Variants in KCNJ3 observed in about 807,000 individuals in gnomAD.
The protein encoded by KCNJ3 is G protein-activated inward rectifier potassium channel 1.
Under a neutral mutation model 39.2 loss-of-function variants are expected in KCNJ3, and 4 were observed. That is an observed-to-expected ratio of 0.10 (90% CI 0.05 to 0.23). The LOEUF is 0.23. Ranked by LOEUF, KCNJ3 falls within the 10% of genes least tolerant of loss-of-function variation. The pLI is 1.00. For missense variants in KCNJ3, 276 were observed against 634.9 expected (o/e 0.43, Z 6.08); for synonymous variants, 230 against 237.4 (o/e 0.97, Z 0.29).
chr2:154,744,741 G>T (rs1685708544), intron 2 of KCNJ3, among the ~76,000 whole-genome samples: 1 of 151,616 alleles, frequency 6.6e-6, no homozygotes, highest in South Asian at 2.1e-4. Context: ...CAATTTTATG[G>T]ATCATTTCCA....
At chr2:154,731,731 C>A (rs550110755) in intron 2 of KCNJ3, among the ~76,000 whole-genome samples, 56 of 151,230 alleles carry the variant, frequency 3.7e-4, no homozygotes, top group African/African-American at 1.2e-3. Flanking sequence ...AAGAGAGACA[C>A]AGTTTTTGTA....
At chr2:154,715,979 G>A (rs2105156291) in intron 2 of KCNJ3, among the ~76,000 whole-genome samples, 1 of 152,228 alleles carries the variant, frequency 6.6e-6, no homozygotes, top group Non-Finnish European at 1.5e-5. Context: ...TAGAATTTCT[G>A]GGTAAAGGCA....
chr2:154,803,837 G>A (rs940492400), intron 2 of KCNJ3, among the ~76,000 whole-genome samples: 2 of 151,882 alleles, frequency 1.3e-5, no homozygotes, highest in African/African-American at 2.4e-5. Flanking sequence ...AATGAGTAAC[G>A]CTGATTAGGC....
intron 2 of KCNJ3, among the ~76,000 whole-genome samples, chr2:154,797,987 C>T (rs1467617448): frequency 1.3e-5 from 2 of 151,964 alleles, no homozygotes; most frequent in Non-Finnish European, 2.9e-5. Flanking sequence ...TTGAACAATT[C>T]TTCATTTCCT....
At position 154,855,492 on chromosome 2, in the gene KCNJ3, G is replaced by T; in HGVS notation, c.*179G>T. 1 of 550,204 alleles carries T rather than the reference G, an allele frequency of 1.8e-6. No homozygotes were observed. Among genetic ancestry groups the T allele is most frequent in the Middle Eastern group, 4.8e-4 (1 of 2,082 alleles). The allele number at this position is 550,204 out of a possible 1,614,324, so 34.1% of individuals were successfully genotyped here. A position where few individuals can be genotyped will look rare whatever the true frequency, so the allele number is the denominator to read the frequency against. ...GTGCAGAAAGCAACAGTTACGGAGG[G>T]AGGACATCATAAGGAAGTTATTAAC... On this transcript the variant is annotated 3_prime_UTR_variant, in exon 3 of 3. Transcript: ENST00000295101.
At chr2:154,751,002 A>G (rs1685834909) in intron 2 of KCNJ3, among the ~76,000 whole-genome samples, 1 of 151,908 alleles carries the variant, frequency 6.6e-6, no homozygotes, top group Admixed American at 6.6e-5. Flanking sequence ...GCTTTATAAT[A>G]ATAACTTAAG....
chr2:154,825,670 G>C (rs1337789107), intron 2 of KCNJ3, among the ~76,000 whole-genome samples: 4 of 151,774 alleles, frequency 2.6e-5, no homozygotes, highest in Non-Finnish European at 4.4e-5. Context: ...TGACCTCCCA[G>C]ACTTAAAGTG....
intron 2 of KCNJ3, among the ~76,000 whole-genome samples, chr2:154,736,238 T>C (rs953100923): frequency 1.3e-5 from 2 of 151,896 alleles, no homozygotes; most frequent in Admixed American, 6.6e-5. Flanking sequence ...GCAGCTCTTA[T>C]TGTGGGTCAT....
At chr2:154,817,989 A>G (rs1021716288) in intron 2 of KCNJ3, among the ~76,000 whole-genome samples, 8 of 152,176 alleles carry the variant, frequency 5.3e-5, no homozygotes, top group Non-Finnish European at 1.2e-4. Context: ...AGAAACTGAT[A>G]TAATCATTTT....
intron 2 of KCNJ3, among the ~76,000 whole-genome samples, chr2:154,764,742 AAG>A (rs1468703324): frequency 6.6e-6 from 1 of 152,122 alleles, no homozygotes; most frequent in Non-Finnish European, 1.5e-5. Flanking sequence ...ATAATGTTTT[AAG>A]AAAGTGTATA....
chr2:154,772,337 T>C (rs1574456833), intron 2 of KCNJ3, among the ~76,000 whole-genome samples: 1 of 152,144 alleles, frequency 6.6e-6, no homozygotes, highest in Non-Finnish European at 1.5e-5. Flanking sequence ...TAGCACATTA[T>C]AAAAAAGAGA....
At chr2:154,733,399 T>C (rs929261614) in intron 2 of KCNJ3, among the ~76,000 whole-genome samples, 1 of 152,146 alleles carries the variant, frequency 6.6e-6, no homozygotes, top group African/African-American at 2.4e-5. Context: ...GTTTCCATTT[T>C]GCCTTGCAAA....
chr2:154,794,222 T>C (rs1160941741), intron 2 of KCNJ3, among the ~76,000 whole-genome samples: 3 of 152,028 alleles, frequency 2.0e-5, no homozygotes, highest in Non-Finnish European at 4.4e-5. Flanking sequence ...AAAAGTGACA[T>C]GTATTTTCTT....
At chr2:154,797,624 T>C (rs1454941105) in intron 2 of KCNJ3, among the ~76,000 whole-genome samples, 1 of 152,052 alleles carries the variant, frequency 6.6e-6, no homozygotes, top group African/African-American at 2.4e-5. Flanking sequence ...AGGATATACA[T>C]ATAAACATAA....
intron 2 of KCNJ3, among the ~76,000 whole-genome samples, chr2:154,774,316 C>T (rs1686293612): frequency 6.6e-6 from 1 of 152,124 alleles, no homozygotes; most frequent in Non-Finnish European, 1.5e-5. Flanking sequence ...TTCATTTCAT[C>T]TCCAAGACTA....
chr2:154,741,504 T>G (rs1685653683), intron 2 of KCNJ3, among the ~76,000 whole-genome samples: 1 of 151,914 alleles, frequency 6.6e-6, no homozygotes, highest in Non-Finnish European at 1.5e-5. Flanking sequence ...ATCGATTGTG[T>G]TAAGAATTAT....
At chr2:154,826,762 A>G (rs753788190) in intron 2 of KCNJ3, among the ~76,000 whole-genome samples, 5 of 104,782 alleles carry the variant, frequency 4.8e-5, no homozygotes, top group Non-Finnish European at 1.2e-4. Context: ...TTTGTTACAC[A>G]TGTTTAGATC....
intron 2 of KCNJ3, among the ~76,000 whole-genome samples, chr2:154,844,880 T>G (rs1574484507): frequency 1.3e-5 from 2 of 152,122 alleles, no homozygotes; most frequent in Admixed American, 6.5e-5. Context: ...GAAAGGGAAA[T>G]CCCCAGACCC....
At chr2:154,821,723 C>G (rs900017562) in intron 2 of KCNJ3, among the ~76,000 whole-genome samples, 1 of 144,720 alleles carries the variant, frequency 6.9e-6, no homozygotes, top group Non-Finnish European at 1.5e-5. Context: ...CTCACCGCAA[C>G]TTTGCCTCCC....
Sources: gnomAD v4.1 joint callset for allele counts (sites outside exome capture counted in the v4.1 genomes callset) on GRCh38, gnomAD v4.1.1 for gene constraint, MANE v1.5 for transcripts, NCBI Gene and HGNC (gene_info 2026-07-23, HGNC 2026-07-21) for gene names.